The following ARHGEF1 variants were observed in gnomAD, a reference collection of about 807,000 sequenced individuals.
ARHGEF1 encodes the protein Rho guanine nucleotide exchange factor 1.
In ARHGEF1, 40 loss-of-function variants were observed where a neutral mutation model predicts 119.7. The observed-to-expected ratio is 0.33, with a 90% confidence interval of 0.26 to 0.44. The LOEUF (loss-of-function observed/expected upper bound fraction) is 0.44, where lower values mean the gene tolerates loss of function less well. Ranked by LOEUF, ARHGEF1 falls within the 20% of genes least tolerant of loss-of-function variation. The pLI is 1.00. For missense variants in ARHGEF1, 976 were observed against 1,268.3 expected, an observed-to-expected ratio of 0.77 and a Z score of 3.50; for synonymous variants, 494 against 521.0, an observed-to-expected ratio of 0.95 and a Z score of 0.71.
intron 13 of ARHGEF1, 29 bp downstream of exon 13, chr19:41,896,511 G>A: frequency 2.0e-6 from 3 of 1,505,552 alleles, no homozygotes; most frequent in African/African-American, 1.4e-5. Flanking sequence ...AGGGGCGGGA[G>A]GTGTGGCTTA....
chr19:41,887,881 C>T (rs556439961), intron 1 of ARHGEF1, among the ~76,000 whole-genome samples, 183 bp from the exon 2 acceptor site: 88 of 152,370 alleles, frequency 5.8e-4, no homozygotes, highest in Non-Finnish European at 1.0e-3. Flanking sequence ...CGTCCCTGGG[C>T]TCCCGCCCCC....
downstream of ARHGEF1, chr19:41,907,905 C>CACAA (rs10678871): frequency 0.14 from 35,033 of 247,572 alleles, 10,312 homozygotes; most frequent in African/African-American, 0.71. Context: ...GACACGGCCA[C>CACAA]ACAAACACTT....
In ARHGEF1 at chr19:41,905,908, A is replaced by C. The variant is rs1265857660; in HGVS notation, c.2405-31A>C. ...AGGCATCCACAGGAGGCCCGGCAGG[A>C]TCTGAGCTCCCTCTCTGTTCCCCAA... On this transcript the variant is annotated intron_variant, in intron 25 of 28. Coordinates refer to ENST00000354532, the MANE Select transcript of ARHGEF1 (RefSeq NM_004706.4). This position sits in a 1 kb window ranked among gnomAD's most constrained non-coding sequence, Gnocchi z 6.4. 6.2e-7 allele frequency: 1 copy of C among 1,613,706 alleles called. No individual in the cohort carries two copies. The highest frequency in any genetic ancestry group is 1.3e-5 in the African/African-American group (1 of 74,896).
At chr19:41,899,811 G>C (rs1011560599) in intron 14 of ARHGEF1, among the ~76,000 whole-genome samples, 1 of 151,916 alleles carries the variant, frequency 6.6e-6, no homozygotes, top group African/African-American at 2.4e-5. Context: ...TTTGGGACTT[G>C]ACTGAAAGCT....
intron 8 of ARHGEF1, among the ~76,000 whole-genome samples, chr19:41,893,697 A>G (rs10408784): frequency 7.1e-3 from 70 of 9,828 alleles, no homozygotes; most frequent in Admixed American, 0.013. Flanking sequence ...TGAGGGAGGA[A>G]GGGGCTGGGG....
chr19:41,926,479 G>T (rs1471839576), intron 1 of ARHGEF1, among the ~76,000 whole-genome samples: 1 of 152,102 alleles, frequency 6.6e-6, no homozygotes, highest in African/African-American at 2.4e-5. Context: ...GCCACAGGTG[G>T]GTGCAGTGTG....
chr19:41,926,045 C>A (rs1290348617), intron 1 of ARHGEF1, among the ~76,000 whole-genome samples: 5 of 151,704 alleles, frequency 3.3e-5, no homozygotes, highest in Non-Finnish European at 5.9e-5. Flanking sequence ...TGAAGAAATA[C>A]GAATGTGTGA....
At chr19:41,907,763 T>G, downstream of ARHGEF1, 3 of 178,646 alleles carry the variant, frequency 1.7e-5, no homozygotes, top group Non-Finnish European at 3.5e-5. Context: ...GTTGGGATCA[T>G]GGGGAGCTGG....
At chr19:41,929,509 C>T (rs1031518719) in intron 2 of ARHGEF1, 1 of 156,398 alleles carries the variant, frequency 6.4e-6, no homozygotes, top group Non-Finnish European at 1.4e-5. Flanking sequence ...GCCGGACCTC[C>T]TGGCCCAACC....
chr19:41,891,279 TTTTA>T (rs1171980531), intron 4 of ARHGEF1, among the ~76,000 whole-genome samples: 4 of 151,850 alleles, frequency 2.6e-5, no homozygotes, highest in African/African-American at 4.8e-5. Context: ...TGATTTTGGG[TTTTA>T]TTTATTTATT....
downstream of ARHGEF1, among the ~76,000 whole-genome samples, chr19:41,908,886 C>T (rs922863292): frequency 1.3e-5 from 2 of 151,836 alleles, no homozygotes; most frequent in South Asian, 4.1e-4. This position sits in a 1 kb window ranked among gnomAD's most constrained non-coding sequence, Gnocchi z 6.7. Context: ...CCCTGTCTCC[C>T]TCATTTCCCC....
In ARHGEF1 at chr19:41,889,247, C is replaced by A. The variant is rs1296105728; in HGVS notation, c.225+382C>A. On this transcript the variant is annotated intron_variant, in intron 4 of 28. Transcript: ENST00000354532. The surrounding 1 kb of genome is among the most constrained non-coding windows in gnomAD (Gnocchi z 4.0). ...GGGGACCAAATTCTTCTCTCCAAAG[C>A]CTTTTTGGCAGATGCCAGCACGCAG... 3 of 179,980 alleles carry A rather than the reference C, an allele frequency of 1.7e-5. No homozygotes were observed. The highest frequency in any genetic ancestry group is 1.1e-4 in the Admixed American group (2 of 17,766). The allele number at this position is 179,980 out of a possible 1,614,324, so 11.1% of individuals were successfully genotyped here.
chr19:41,917,482 C>T lies in ARHGEF1; in HGVS notation c.1866-5610C>T, dbSNP rs1299309380. On this transcript the variant is annotated intron_variant, in intron 18 of 20. Transcript: ENST00000599589. The surrounding 1 kb of genome is among the most constrained non-coding windows in gnomAD (Gnocchi z 4.8). ...CCTTCATCCCTCACCCAGGCCCCCC[C>T]ATCCCCACCTCCCCTTAACACAATC... Among the ~76,000 whole-genome samples, 1 of 151,882 alleles carries T rather than the reference C, an allele frequency of 6.6e-6. No homozygotes were observed. The highest frequency in any genetic ancestry group is 2.4e-5 in the African/African-American group (1 of 41,302).
rs913859368 is a variant in ARHGEF1, at chr19:41,903,875, A to G, written c.1917+91A>G. On this transcript the variant is annotated intron_variant, in intron 20 of 28. Coordinates refer to ENST00000354532, the MANE Select transcript of ARHGEF1 (RefSeq NM_004706.4). The surrounding 1 kb of genome is among the most constrained non-coding windows in gnomAD (Gnocchi z 4.2). ...GCCCCCAGCCTGTCCTGCCCATCCC[A>G]TAATACACCCAGGAAGCGAGAGCTC... 4 of 1,429,104 alleles carry G rather than the reference A, an allele frequency of 2.8e-6. No individual in the cohort carries two copies. In the African/African-American group the frequency reaches 5.9e-5, roughly 21 times the overall value. The allele number at this position is 1,429,104 out of a possible 1,614,324, so 88.5% of individuals were successfully genotyped here. A position where few individuals can be genotyped will look rare whatever the true frequency, so the allele number is the denominator to read the frequency against.
rs1291953060 is a variant in ARHGEF1 at position 41,907,025 on chromosome 19, CCT to C, written c.*18-79_*18-78del. ...CACCTCCCCTTCTCTCTCTGCTCTC[CCT>C]GTCTTGTCTCTGTGTCTGTCTCTCC... On this transcript the variant is annotated intron_variant, in intron 28 of 28. Coordinates refer to ENST00000354532, the MANE Select transcript of ARHGEF1 (RefSeq NM_004706.4). The C allele has an allele frequency of 3.8e-6, 5 of 1,327,186 alleles. No homozygotes were observed. The East Asian group carries it at 7.7e-5, about 21-fold the overall frequency. The allele number at this position is 1,327,186 out of a possible 1,614,324, so 82.2% of individuals were successfully genotyped here.
chr19:41,898,044 G>A (rs1253800077), intron 13 of ARHGEF1: 16 of 1,333,850 alleles, frequency 1.2e-5, no homozygotes, highest in East Asian at 6.0e-5. Context: ...GGTGGGGGCC[G>A]CTCCCGGAGC....
At chr19:41,928,697 G>C (rs2074887507) in intron 1 of ARHGEF1, 2 of 329,882 alleles carry the variant, frequency 6.1e-6, no homozygotes, top group South Asian at 4.4e-5. Flanking sequence ...TTTGAAAACA[G>C]ATGTCGAATC....
intron 1 of ARHGEF1, chr19:41,928,796 C>G (rs370622423): frequency 2.4e-6 from 1 of 411,670 alleles, no homozygotes; most frequent in Admixed American, 2.5e-5. Context: ...CCCTCCTCTC[C>G]CCTTCCCTTC....
In ARHGEF1 at chr19:41,903,224, C is replaced by T. The variant is rs115583833; in HGVS notation, c.1739-83C>T. ...GGCGTGAGCCACCATGCCCGGCCAG[C>T]TGTCCTTTGTCTAACCTTGGCTGCC... On this transcript the variant is annotated intron_variant, in intron 18 of 28. Transcript: ENST00000354532. This position sits in a 1 kb window ranked among gnomAD's most constrained non-coding sequence, Gnocchi z 4.2. 285 of 1,285,248 alleles carry T rather than the reference C, an allele frequency of 2.2e-4. 1 individual carries two copies. The African/African-American group carries it at 3.8e-3, about 17-fold the overall frequency. 79.6% of individuals were successfully genotyped at this position (1,285,248 alleles called of 1,614,324 possible).
Sources: allele counts gnomAD v4.1 joint callset (sites outside exome capture counted in the v4.1 genomes callset), GRCh38; gene constraint gnomAD v4.1.1; non-coding constraint Gnocchi (gnomAD v3.1); transcripts MANE v1.5; gene names NCBI Gene and HGNC (gene_info 2026-07-23, HGNC 2026-07-21).